The following NMBR variants were observed in gnomAD, a reference collection of about 807,000 sequenced individuals.
The protein encoded by NMBR is neuromedin-B receptor.
Under a neutral mutation model 20.5 loss-of-function variants are expected in NMBR, and 16 were observed. The observed-to-expected ratio is 0.78, with a 90% CI of 0.53 to 1.19. NMBR has a LOEUF of 1.19. Ranked by LOEUF, NMBR falls within the 50% of genes most tolerant of loss-of-function variation. The pLI is 0.00. For missense variants in NMBR, 582 were observed against 499.1 expected (o/e 1.17, Z -1.58); for synonymous variants, 212 against 196.6 (o/e 1.08, Z -0.65).
chr6:142,082,200 A>T (rs1467682602), intron 2 of NMBR, among the ~76,000 whole-genome samples: 1 of 152,186 alleles, frequency 6.6e-6, no homozygotes, highest in Non-Finnish European at 1.5e-5. Flanking sequence ...TCAGGCAAAG[A>T]ATAGGTCCAC....
In NMBR at chr6:142,075,580, C is replaced by A; in HGVS notation, c.*68G>T. 6.9e-7 allele frequency: 1 copy of A among 1,444,172 alleles called. No individual in the cohort carries two copies. Among genetic ancestry groups the A allele is most frequent in the Non-Finnish European group, 9.3e-7 (1 of 1,074,832 alleles). The allele number at this position is 1,444,172 out of a possible 1,614,324, so 89.5% of individuals were successfully genotyped here. A position where few individuals can be genotyped will look rare whatever the true frequency, so the allele number is the denominator to read the frequency against. On this transcript the variant is annotated 3_prime_UTR_variant, in exon 4 of 4. Transcript: ENST00000258042. Reference sequence around the variant, plus strand: ...TAAATTAGCTAAGCAACAGCAAGTTCTGATCTGCCGAATAGGAATTTTAAC... The same window carrying A: ...TAAATTAGCTAAGCAACAGCAAGTTATGATCTGCCGAATAGGAATTTTAAC...
intron 1 of NMBR, among the ~76,000 whole-genome samples, chr6:142,143,416 C>G (rs543984663): frequency 6.6e-6 from 1 of 152,186 alleles, no homozygotes; most frequent in Admixed American, 6.5e-5. Context: ...TCCCAAGTAG[C>G]TGGGATTACA....
chr6:142,112,838 T>C (rs1358883446), intron 1 of NMBR, among the ~76,000 whole-genome samples: 1 of 150,152 alleles, frequency 6.7e-6, no homozygotes, highest in Non-Finnish European at 1.5e-5. Context: ...GAAAAAGAAT[T>C]AATTATAAAT....
chr6:142,101,440 C>G (rs979911241), intron 1 of NMBR, among the ~76,000 whole-genome samples: 1 of 152,066 alleles, frequency 6.6e-6, no homozygotes, highest in Non-Finnish European at 1.5e-5. Flanking sequence ...CTTATTTGGT[C>G]TCAAAACCCA....
intron 1 of NMBR, among the ~76,000 whole-genome samples, chr6:142,145,037 AAAG>A (rs1359174468): frequency 2.5e-4 from 38 of 150,178 alleles, no homozygotes; most frequent in African/African-American, 8.4e-4. Context: ...AAAAAAAAAA[AAAG>A]AAAGAAAAAA....
rs1232178264 is a variant in NMBR, at chr6:142,075,870, A to G, written c.951T>C (p.Ser317=). 6.2e-7 allele frequency: 1 copy of G among 1,614,112 alleles called. No individual in the cohort carries two copies. The highest frequency in any genetic ancestry group is 1.7e-5 in the Admixed American group (1 of 60,008). The change falls in exon 4 of 4, where the codon TCT becomes TCC. Residue 317 remains serine, a synonymous_variant. Coordinates refer to ENST00000258042, the MANE Select transcript of NMBR (RefSeq NM_002511.4). ...LVARVLSFGN[S]CVNPFALYLL... Reference sequence around the variant, plus strand: ...GGTAAAGAGCAAATGGGTTGACACAAGAATTGCCAAAACTGAGAACCCGGG... The same window carrying G: ...GGTAAAGAGCAAATGGGTTGACACAGGAATTGCCAAAACTGAGAACCCGGG...
chr6:142,117,281 A>G (rs537899217), intron 1 of NMBR, among the ~76,000 whole-genome samples: 2 of 152,140 alleles, frequency 1.3e-5, no homozygotes, highest in African/African-American at 4.8e-5. Context: ...AATTGTAGTT[A>G]GCAGCATATT....
intron 1 of NMBR, among the ~76,000 whole-genome samples, chr6:142,143,962 T>C (rs1197997931): frequency 6.6e-6 from 1 of 152,242 alleles, no homozygotes; most frequent in African/African-American, 2.4e-5. Context: ...AATGTGCTAA[T>C]GCAATTCACA....
Position 142,088,363 on chromosome 6 carries a change from A to G in NMBR, c.296T>C (p.Val99Ala). 1 of 1,614,108 alleles carries G rather than the reference A, an allele frequency of 6.2e-7. No homozygotes were observed. The highest frequency in any genetic ancestry group is 1.1e-5 in the South Asian group (1 of 91,068). Reference sequence around the variant, plus strand: ...GTCGAAGAAGTAGCGCGAGGCGTCCACCGGGACGCAGGTGAGCAGCAGCAG... The same window carrying G: ...GTCGAAGAAGTAGCGCGAGGCGTCCGCCGGGACGCAGGTGAGCAGCAGCAG... ...DLLLLLTCVP[V>A]DASRYFFDEW... Residue 99 changes from valine to alanine, a missense_variant, in exon 2 of 4, where the codon GTG becomes GCG. By Grantham distance (64) the Val-to-Ala change is moderately conservative. Coordinates refer to ENST00000258042, the MANE Select transcript of NMBR (RefSeq NM_002511.4).
At position 142,129,081 on chromosome 6, in the gene NMBR, A is replaced by G. The variant is rs1778093882; in HGVS notation, c.-664+17963T>C. ...ACTCATTTTTATTTATTTTGATCCTATTTTGGGTTCTGAACAAAATTTACC... is the reference window on the plus strand; with the variant it reads ...ACTCATTTTTATTTATTTTGATCCTGTTTTGGGTTCTGAACAAAATTTACC... On this transcript the variant is annotated intron_variant, in intron 1 of 3. Transcript: ENST00000258042. 2.0e-5 allele frequency among the ~76,000 whole-genome samples: 3 copies of G among 151,262 alleles called. No individual in the cohort carries two copies. The South Asian group carries it at 6.3e-4, about 32-fold the overall frequency.
chr6:142,105,274 G>A (rs113484936), intron 1 of NMBR, among the ~76,000 whole-genome samples: 2,244 of 152,216 alleles, frequency 0.015, 45 homozygotes, highest in South Asian at 0.07. Flanking sequence ...AGTTGCTTCC[G>A]GCCATCTGGA....
intron 1 of NMBR, among the ~76,000 whole-genome samples, chr6:142,123,663 G>A (rs1931994): frequency 0.031 from 4,654 of 151,926 alleles, 248 homozygotes; most frequent in African/African-American, 0.11. Flanking sequence ...ACATCAAGGC[G>A]AGACCCTCCA....
chr6:142,075,207 C>G lies in NMBR; in HGVS notation c.*441G>C, dbSNP rs1331190244. ...AAATAATAGGAGTTTGAATATTACC[C>G]TCACTGAATCATTGAGTCAATATAG... On this transcript the variant is annotated 3_prime_UTR_variant, in exon 4 of 4. Coordinates refer to ENST00000258042, the MANE Select transcript of NMBR (RefSeq NM_002511.4). Among the ~76,000 whole-genome samples the G allele has an allele frequency of 6.6e-6, 1 of 151,974 alleles. No individual in the cohort carries two copies. The highest frequency in any genetic ancestry group is 2.4e-5 in the African/African-American group (1 of 41,392).
chr6:142,110,333 C>CTATT (rs1438081524), intron 1 of NMBR, among the ~76,000 whole-genome samples: 1 of 152,026 alleles, frequency 6.6e-6, no homozygotes, highest in Non-Finnish European at 1.5e-5. Flanking sequence ...GTCCAATCAA[C>CTATT]TAATGAATGG....
At chr6:142,079,660 T>C (rs150843237) in intron 2 of NMBR, among the ~76,000 whole-genome samples, 5 of 152,324 alleles carry the variant, frequency 3.3e-5, no homozygotes, top group Admixed American at 2.6e-4. Context: ...TTGGTCATAC[T>C]ACATTTTGAC....
chr6:142,116,630 CAG>C (rs1777860111), intron 1 of NMBR, among the ~76,000 whole-genome samples: 1 of 152,176 alleles, frequency 6.6e-6, no homozygotes, highest in South Asian at 2.1e-4. Flanking sequence ...TTCTTCCCAG[CAG>C]AGTCTTCCTT....
chr6:142,137,561 C>T (rs1485802633), intron 1 of NMBR, among the ~76,000 whole-genome samples: 1 of 152,130 alleles, frequency 6.6e-6, no homozygotes, highest in Middle Eastern at 3.2e-3. Context: ...AGAGGGCATC[C>T]CTGTCTTGTG....
intron 1 of NMBR, among the ~76,000 whole-genome samples, chr6:142,108,445 T>C (rs1401243280): frequency 1.3e-5 from 2 of 152,330 alleles, no homozygotes; most frequent in East Asian, 3.9e-4. Context: ...AGAAGTTTAA[T>C]TGACTCACAG....
intron 1 of NMBR, among the ~76,000 whole-genome samples, chr6:142,115,928 C>T: frequency 6.6e-6 from 1 of 151,960 alleles, no homozygotes. Flanking sequence ...ACAATTTCCA[C>T]GTGTTGTGGG....
Sources: allele counts gnomAD v4.1 joint callset (sites outside exome capture counted in the v4.1 genomes callset), GRCh38; gene constraint gnomAD v4.1.1; transcripts MANE v1.5; gene names NCBI Gene and HGNC (gene_info 2026-07-23, HGNC 2026-07-21).